The following AP2B1 variants were observed in gnomAD, a reference collection of about 807,000 sequenced individuals.
AP2B1 encodes the protein adaptor related protein complex 2 subunit beta 1.
In AP2B1, 23 loss-of-function variants were observed where a neutral mutation model predicts 102.0. The ratio of observed to expected loss-of-function variants is 0.23; its 90% CI spans 0.16 to 0.32. AP2B1 has a LOEUF of 0.32. Ranked by LOEUF, AP2B1 falls within the 10% of genes least tolerant of loss-of-function variation. The pLI is 1.00. For missense variants in AP2B1, 541 were observed against 1,157.4 expected, an observed-to-expected ratio of 0.47 and a Z score of 7.73; for synonymous variants, 381 against 421.2, an observed-to-expected ratio of 0.90 and a Z score of 1.17.
At position 35,703,156 on chromosome 17, in the gene AP2B1, C is replaced by T. The variant is rs587660917; in HGVS notation, c.2455-6068C>T. Among the ~76,000 whole-genome samples, 13 of 150,422 alleles carry T rather than the reference C, an allele frequency of 8.6e-5. No individual in the cohort carries two copies. The South Asian group carries it at 2.7e-3, about 31-fold the overall frequency. On this transcript the variant is annotated intron_variant, in intron 18 of 21. Coordinates refer to ENST00000610402, the MANE Select transcript of AP2B1 (RefSeq NM_001030006.2). ...GCGTGGTGGCCAGCGCCTGTAGTCC[C>T]AGCTAGGCTGAGGCAGGAGAATGGC...
chr17:35,687,966 G>A (rs2075969834), intron 18 of AP2B1, among the ~76,000 whole-genome samples: 1 of 152,176 alleles, frequency 6.6e-6, no homozygotes, highest in Non-Finnish European at 1.5e-5. Flanking sequence ...ATTTATGTTG[G>A]TGTTTTTAAC....
intron 17 of AP2B1, among the ~76,000 whole-genome samples, chr17:35,680,033 C>T (rs1193230601): frequency 1.3e-5 from 2 of 150,802 alleles, no homozygotes; most frequent in African/African-American, 4.9e-5. Context: ...TTCCAAGTAG[C>T]TGGGAATTAC....
At chr17:35,707,457 C>CTT (rs35397924) in intron 18 of AP2B1, among the ~76,000 whole-genome samples, 1,352 of 132,336 alleles carry the variant, frequency 0.01, 37 homozygotes, top group African/African-American at 0.033. Context: ...GGCTTCCCCC[C>CTT]TTTTTTTTTT....
intron 3 of AP2B1, among the ~76,000 whole-genome samples, chr17:35,604,737 G>A (rs1052043379): frequency 1.3e-5 from 2 of 152,020 alleles, no homozygotes; most frequent in African/African-American, 2.4e-5. Flanking sequence ...CAGCCTGGGC[G>A]ACAGAGTGAG....
intron 11 of AP2B1, 94 bp downstream of exon 11, chr17:35,639,854 T>C: frequency 1.4e-5 from 15 of 1,080,134 alleles, no homozygotes; most frequent in Non-Finnish European, 2.0e-5. Context: ...CTTCTGTGTC[T>C]GTATTTACAT....
In AP2B1 at chr17:35,724,157, A is replaced by G. The variant is rs226426; in HGVS notation, c.*458A>G. The G allele has an allele frequency of 0.36, 56,422 of 158,102 alleles. 10,277 individuals carry two copies. The highest frequency in any genetic ancestry group is 0.45 in the East Asian group (2,501 of 5,550). The allele number at this position is 158,102 out of a possible 1,614,324, so 9.8% of individuals were successfully genotyped here. A position where few individuals can be genotyped will look rare whatever the true frequency, so the allele number is the denominator to read the frequency against. ...CAAGGGATTAGTGCAACCAGTAGAAAGCATTGAAATGACTGTCATTAACCA... is the reference window on the plus strand; with the variant it reads ...CAAGGGATTAGTGCAACCAGTAGAAGGCATTGAAATGACTGTCATTAACCA... On this transcript the variant is annotated 3_prime_UTR_variant, in exon 22 of 22. Coordinates refer to ENST00000610402, the MANE Select transcript of AP2B1 (RefSeq NM_001030006.2).
At chr17:35,616,142 C>CTT (rs71152739) in intron 5 of AP2B1, among the ~76,000 whole-genome samples, 4 of 57,400 alleles carry the variant, frequency 7.0e-5, no homozygotes, top group Admixed American at 3.0e-4. Context: ...AAAAATATCT[C>CTT]TTTTTTTTTT....
chr17:35,671,087 G>T (rs2075577571), intron 15 of AP2B1, among the ~76,000 whole-genome samples, 189 bp downstream of exon 15: 1 of 152,136 alleles, frequency 6.6e-6, no homozygotes, highest in East Asian at 1.9e-4. Context: ...ACCACATGGT[G>T]TAGAGACATC....
intron 5 of AP2B1, among the ~76,000 whole-genome samples, chr17:35,613,978 A>C (rs1407876589): frequency 6.6e-6 from 1 of 152,272 alleles, no homozygotes; most frequent in East Asian, 1.9e-4. Context: ...GAAAATGTGT[A>C]TCTTTTTGGT....
chr17:35,616,523 C>A (rs2074026883), intron 5 of AP2B1, among the ~76,000 whole-genome samples: 1 of 152,110 alleles, frequency 6.6e-6, no homozygotes, highest in Admixed American at 6.5e-5. Flanking sequence ...GTTACAAAGA[C>A]AGTACAGAAA....
intron 4 of AP2B1, among the ~76,000 whole-genome samples, chr17:35,606,219 A>G (rs1345837521): frequency 1.3e-5 from 2 of 151,852 alleles, no homozygotes; most frequent in Admixed American, 6.6e-5. Flanking sequence ...ATTTCATTTA[A>G]TACGTCTTAC....
At chr17:35,588,523 T>A (rs2072977034) in intron 1 of AP2B1, 1 of 152,190 alleles carries the variant, frequency 6.6e-6, no homozygotes, top group Non-Finnish European at 1.5e-5. Flanking sequence ...AGAAAGTAAA[T>A]GCATTAAGCT....
At chr17:35,616,251 G>A (rs1306647445) in intron 5 of AP2B1, among the ~76,000 whole-genome samples, 2 of 125,488 alleles carry the variant, frequency 1.6e-5, no homozygotes, top group African/African-American at 6.0e-5. Flanking sequence ...TGCAAGCTCC[G>A]CCTCCCGGGT....
chr17:35,718,255 C>A (rs1555591088), intron 21 of AP2B1, among the ~76,000 whole-genome samples: 1 of 151,612 alleles, frequency 6.6e-6, no homozygotes, highest in African/African-American at 2.4e-5. Context: ...CCATCCAGAA[C>A]TGAAAATTCT....
chr17:35,634,020 G>A lies in AP2B1; in HGVS notation c.1156-2321G>A, dbSNP rs143583994. On this transcript the variant is annotated intron_variant, in intron 9 of 21. Coordinates refer to ENST00000610402, the MANE Select transcript of AP2B1 (RefSeq NM_001030006.2). ...AAATTAGCCGGGCATGGTGGCGCAC[G>A]CCTGTAATCCCAGCTACTCGGGAGG... 5.2e-3 allele frequency among the ~76,000 whole-genome samples: 787 copies of A among 152,116 alleles called. 9 individuals are homozygous for A. Among genetic ancestry groups the A allele is most frequent in the African/African-American group, 0.018 (743 of 41,472 alleles).
rs189370649 is a variant in AP2B1, at chr17:35,635,508, G to A, written c.1156-833G>A. ...CAAGCAATTCTCTGCGTCAGCCTCC[G>A]GAGTAGCTGGGATTACAGGTGCCTG... On this transcript the variant is annotated intron_variant, in intron 9 of 21. Coordinates refer to ENST00000610402, the MANE Select transcript of AP2B1 (RefSeq NM_001030006.2). Among the ~76,000 whole-genome samples the A allele has an allele frequency of 1.4e-4, 21 of 151,922 alleles. 1 individual carries two copies. Among genetic ancestry groups the A allele is most frequent in the Non-Finnish European group, 2.2e-4 (15 of 67,950 alleles).
chr17:35,616,820 T>TA (rs764532690), intron 5 of AP2B1, among the ~76,000 whole-genome samples: 7 of 152,226 alleles, frequency 4.6e-5, no homozygotes, highest in Non-Finnish European at 7.3e-5. Context: ...CCAGTCACCA[T>TA]AGCATAGTGG....
chr17:35,610,247 C>T (rs71381463), intron 5 of AP2B1, among the ~76,000 whole-genome samples: 11,105 of 151,942 alleles, frequency 0.073, 467 homozygotes, highest in Middle Eastern at 0.11. Context: ...TGGGTTCAAG[C>T]GATTCTCCTC....
chr17:35,716,392 G>A (rs1555589900), intron 20 of AP2B1, among the ~76,000 whole-genome samples: 1 of 152,144 alleles, frequency 6.6e-6, no homozygotes, highest in East Asian at 1.9e-4. Context: ...GTAGTCATGA[G>A]GAAGAGCCAA....
Sources: allele counts gnomAD v4.1 joint callset (sites outside exome capture counted in the v4.1 genomes callset), GRCh38; gene constraint gnomAD v4.1.1; transcripts MANE v1.5; gene names NCBI Gene and HGNC (gene_info 2026-07-23, HGNC 2026-07-21).